SYTL2: variants seen among roughly 807,000 people sequenced by gnomAD.
SYTL2 encodes the protein synaptotagmin-like protein 2.
SYTL2 carries 165 observed loss-of-function variants against 198.7 expected under a neutral mutation model. That is an observed-to-expected ratio of 0.83 (90% CI 0.73 to 0.94). SYTL2 has a LOEUF of 0.94. Among genes scored for constraint, SYTL2 ranks in the 40% least tolerant of loss-of-function variants. The pLI, the probability that SYTL2 is intolerant of heterozygous loss-of-function variation, is 0.00. For synonymous variants in SYTL2, 966 were observed against 917.7 expected, an observed-to-expected ratio of 1.05 and a Z score of -0.95; for missense variants, 2,835 against 2,582.8, an observed-to-expected ratio of 1.10 and a Z score of -2.12.
In SYTL2 at chr11:85,727,750, CTTA is replaced by C. The variant is rs1194824638; in HGVS notation, c.1605_1607del (p.Asn535del). Reference sequence around the variant, plus strand: ...TTCCTCGGGGATGTTGGAGGAATGACTTATTGTCATCTGAATAAGAACTTCGGT... The same window carrying C: ...TTCCTCGGGGATGTTGGAGGAATGACTTGTCATCTGAATAAGAACTTCGGT... On this transcript the variant is annotated inframe_deletion, in exon 8 of 20. Transcript: ENST00000359152. The C allele has an allele frequency of 6.4e-7, 1 of 1,558,010 alleles. No homozygotes were observed. Among genetic ancestry groups the C allele is most frequent in the Non-Finnish European group, 8.7e-7 (1 of 1,150,494 alleles).
intron 7 of SYTL2, among the ~76,000 whole-genome samples, chr11:85,732,521 C>T (rs1424395970): frequency 6.6e-6 from 1 of 152,038 alleles, no homozygotes; most frequent in Non-Finnish European, 1.5e-5. Flanking sequence ...ATGTTCTCAC[C>T]CATAAGTGGG....
intron 1 of SYTL2, among the ~76,000 whole-genome samples, chr11:85,773,100 T>C (rs953520266): frequency 2.0e-5 from 3 of 152,216 alleles, no homozygotes; most frequent in African/African-American, 7.2e-5. Context: ...ATTCCCTGTA[T>C]GGCCATGAGT....
chr11:85,780,120 T>C (rs559653941), intron 1 of SYTL2, among the ~76,000 whole-genome samples: 2 of 152,366 alleles, frequency 1.3e-5, no homozygotes, highest in East Asian at 3.9e-4. Flanking sequence ...CAATGAACTA[T>C]GGCCCTATAC....
At chr11:85,714,369 A>C in intron 12 of SYTL2, 44 bp downstream of exon 12, 1 of 1,494,774 alleles carries the variant, frequency 6.7e-7, no homozygotes, top group Non-Finnish European at 9.3e-7. Flanking sequence ...AGCAATTCCA[A>C]CCCTCTGTCT....
intron 12 of SYTL2, among the ~76,000 whole-genome samples, chr11:85,711,981 T>G (rs1317526966): frequency 6.6e-6 from 1 of 152,116 alleles, no homozygotes; most frequent in Non-Finnish European, 1.5e-5. Context: ...CAGTAACAAA[T>G]TTTGTTATAT....
intron 1 of SYTL2, among the ~76,000 whole-genome samples, chr11:85,784,735 G>T (rs2092610558): frequency 6.6e-6 from 1 of 152,038 alleles, no homozygotes; most frequent in Non-Finnish European, 1.5e-5. Flanking sequence ...ATGCACATTA[G>T]AAGCATAGGA....
the SYTL2 span, among the ~76,000 whole-genome samples, chr11:85,836,189 T>C: frequency 2.0e-5 from 3 of 152,216 alleles, no homozygotes; most frequent in South Asian, 4.1e-4. Context: ...GTGTTCTCTA[T>C]GCGTTCTCAC....
intron 7 of SYTL2, among the ~76,000 whole-genome samples, chr11:85,731,057 C>T (rs1267301131): frequency 1.3e-5 from 2 of 152,070 alleles, no homozygotes; most frequent in Non-Finnish European, 2.9e-5. Flanking sequence ...TCAAGGAGAA[C>T]TACAAACCAC....
At chr11:85,769,970 C>G (rs551708724) in intron 1 of SYTL2, among the ~76,000 whole-genome samples, 1 of 152,252 alleles carries the variant, frequency 6.6e-6, no homozygotes, top group African/African-American at 2.4e-5. Context: ...TCATTTAACC[C>G]AAAACAAAGG....
At chr11:85,848,133 G>A in the SYTL2 span, among the ~76,000 whole-genome samples, 1 of 152,104 alleles carries the variant, frequency 6.6e-6, no homozygotes, top group Non-Finnish European at 1.5e-5. Context: ...CCAGCTACTT[G>A]GTAGGCTGAG....
intron 12 of SYTL2, among the ~76,000 whole-genome samples, chr11:85,711,626 C>T (rs950676777): frequency 5.9e-5 from 9 of 152,088 alleles, no homozygotes; most frequent in Non-Finnish European, 1.2e-4. Context: ...ACTGTTAAAA[C>T]CAAAACATCA....
intron 3 of SYTL2, among the ~76,000 whole-genome samples, chr11:85,747,916 A>C (rs1342847542): frequency 6.6e-6 from 1 of 152,228 alleles, no homozygotes; most frequent in Admixed American, 6.5e-5. Flanking sequence ...CTGAAAAGAG[A>C]GGCTGATATC....
the SYTL2 span, chr11:85,852,699 G>A: frequency 1.4e-3 from 318 of 219,944 alleles, no homozygotes; most frequent in African/African-American, 7.4e-3. Context: ...AGGCTGGAGT[G>A]CAGTGGCATG....
At chr11:85,845,355 C>T in the SYTL2 span, among the ~76,000 whole-genome samples, 1 of 152,194 alleles carries the variant, frequency 6.6e-6, no homozygotes, top group Non-Finnish European at 1.5e-5. Context: ...AATTCCTGAT[C>T]CACAGAAACT....
In SYTL2 at chr11:85,726,253, T is replaced by A; in HGVS notation, c.3105A>T (p.Glu1035Asp). Residue 1035 changes from glutamate to aspartate, a missense_variant, in exon 8 of 20, where the codon GAA (glutamate) becomes GAT (aspartate). Coordinates refer to ENST00000359152, the MANE Select transcript of SYTL2 (RefSeq NM_206927.4). The stretch of plus-strand genomic sequence containing the variant: ...TTTTTGGGCTTAGAAGCACCTCTGC[T>A]TCATGGGTATTTTTACCTGATAATT... ...DIKLSGKNTH[E>D]AEVLLSPKKV... The A allele has an allele frequency of 6.2e-7, 1 of 1,613,876 alleles. No individual in the cohort carries two copies. Among genetic ancestry groups the A allele is most frequent in the Non-Finnish European group, 8.5e-7 (1 of 1,179,956 alleles).
chr11:85,735,870 A>T (rs1353576536), intron 6 of SYTL2, among the ~76,000 whole-genome samples: 1 of 152,240 alleles, frequency 6.6e-6, no homozygotes, highest in Non-Finnish European at 1.5e-5. Flanking sequence ...TTTAATATTC[A>T]GACAGGCTAA....
At chr11:85,745,081 A>G in intron 4 of SYTL2, among the ~76,000 whole-genome samples, 1 of 152,178 alleles carries the variant, frequency 6.6e-6, no homozygotes, top group East Asian at 1.9e-4. Flanking sequence ...ATACCTTATC[A>G]CTAATTCTTG....
the SYTL2 span, among the ~76,000 whole-genome samples, chr11:85,840,840 T>A: frequency 6.6e-6 from 1 of 151,812 alleles, no homozygotes; most frequent in Non-Finnish European, 1.5e-5. Context: ...CCAAAAGCAA[T>A]TGCAATAAAA....
At chr11:85,797,110 G>A (rs569515009) in intron 1 of SYTL2, among the ~76,000 whole-genome samples, 79 of 152,284 alleles carry the variant, frequency 5.2e-4, no homozygotes, top group African/African-American at 1.3e-3. Flanking sequence ...AGGATTGCTC[G>A]AGCCCAGGAG....
Sources: gnomAD v4.1 joint callset for allele counts (sites outside exome capture counted in the v4.1 genomes callset) on GRCh38, gnomAD v4.1.1 for gene constraint, MANE v1.5 for transcripts, NCBI Gene and HGNC (gene_info 2026-07-23, HGNC 2026-07-21) for gene names.